RNF150: variants seen among roughly 807,000 people sequenced by gnomAD.
The protein encoded by RNF150 is ring finger protein 150.
RNF150 carries 24 observed loss-of-function variants against 39.3 expected under a neutral mutation model. The ratio of observed to expected loss-of-function variants is 0.61; its 90% CI spans 0.44 to 0.86. RNF150 has a LOEUF of 0.86. Among genes scored for constraint, RNF150 ranks in the 40% least tolerant of loss-of-function variants. The pLI is 0.00. For synonymous variants in RNF150, 255 were observed against 227.3 expected (o/e 1.12, Z -1.10); for missense variants, 502 against 587.8 (o/e 0.85, Z 1.51).
At chr4:141,205,731 G>A (rs1312574558) in intron 1 of RNF150, among the ~76,000 whole-genome samples, 2 of 152,152 alleles carry the variant, frequency 1.3e-5, no homozygotes, top group Non-Finnish European at 2.9e-5. Context: ...TAATCTCTTA[G>A]TTTCTAGCTT....
intron 5 of RNF150, among the ~76,000 whole-genome samples, chr4:140,924,656 G>C (rs1299264774): frequency 6.6e-6 from 1 of 152,154 alleles, no homozygotes; most frequent in Non-Finnish European, 1.5e-5. Flanking sequence ...ACTGAGCTCA[G>C]CTTTCTAAGT....
intron 1 of RNF150, among the ~76,000 whole-genome samples, chr4:141,155,880 A>G (rs1727386447): frequency 6.6e-6 from 1 of 152,040 alleles, no homozygotes; most frequent in African/African-American, 2.4e-5. Flanking sequence ...TAGCAGAGCA[A>G]GTCTTTCAAA....
intron 6 of RNF150, among the ~76,000 whole-genome samples, chr4:140,902,553 C>T (rs1191755245): frequency 6.6e-6 from 1 of 152,032 alleles, no homozygotes; most frequent in East Asian, 1.9e-4. Flanking sequence ...GTCAATAGAA[C>T]TTTTTGGTTT....
At chr4:140,896,479 T>A (rs1429466064) in intron 6 of RNF150, among the ~76,000 whole-genome samples, 1 of 60,520 alleles carries the variant, frequency 1.7e-5, no homozygotes, top group Middle Eastern at 5.2e-3. Flanking sequence ...TAGGTGGGAA[T>A]TGAACAATGA....
chr4:141,155,185 A>G (rs1727363740), intron 1 of RNF150, among the ~76,000 whole-genome samples: 1 of 152,156 alleles, frequency 6.6e-6, no homozygotes, highest in South Asian at 2.1e-4. Flanking sequence ...TTCTGGGTTC[A>G]AACAATTCTC....
At chr4:140,950,239 A>G (rs1457637459) in intron 2 of RNF150, among the ~76,000 whole-genome samples, 1 of 152,240 alleles carries the variant, frequency 6.6e-6, no homozygotes. Flanking sequence ...GTAAAACAGA[A>G]GGACTAAGAT....
intron 5 of RNF150, among the ~76,000 whole-genome samples, chr4:140,915,771 A>C (rs1165457921): frequency 6.6e-6 from 1 of 152,220 alleles, no homozygotes; most frequent in Non-Finnish European, 1.5e-5. Context: ...CTGACCCCCG[A>C]GTAGCCTAAA....
chr4:140,945,607 T>TATAC (rs1732272568), intron 4 of RNF150, among the ~76,000 whole-genome samples: 1 of 37,370 alleles, frequency 2.7e-5, no homozygotes, highest in Non-Finnish European at 9.8e-5. Flanking sequence ...TATATACATA[T>TATAC]ATATACTACA....
intron 1 of RNF150, among the ~76,000 whole-genome samples, chr4:141,196,573 G>C (rs567689687): frequency 6.6e-6 from 1 of 152,294 alleles, no homozygotes; most frequent in Admixed American, 6.5e-5. Context: ...TGTTTCTCAA[G>C]TCAGGAAGGC....
chr4:141,132,198 A>T lies in RNF150; in HGVS notation c.484+127T>A. 1 of 971,454 alleles carries T rather than the reference A, an allele frequency of 1.0e-6. No individual in the cohort carries two copies. Among genetic ancestry groups the T allele is most frequent in the Non-Finnish European group, 1.5e-6 (1 of 652,984 alleles). 60.2% of individuals were successfully genotyped at this position (971,454 alleles called of 1,614,324 possible). A position where few individuals can be genotyped will look rare whatever the true frequency, so the allele number is the denominator to read the frequency against. ...ACGCGGAGCAAAACTTAATCGGTCC[A>T]GGGAACCCAGACACGTCTTCCGCGC... On this transcript the variant is annotated intron_variant, in intron 1 of 6. Transcript: ENST00000515673. The surrounding 1 kb of genome is among the most constrained non-coding windows in gnomAD (Gnocchi z 4.9).
At position 140,867,892 on chromosome 4, in the gene RNF150, A is replaced by C. The variant is rs1298529402; in HGVS notation, c.*369T>G. 5.6e-6 allele frequency: 1 copy of C among 178,130 alleles called. No individual in the cohort carries two copies. The highest frequency in any genetic ancestry group is 1.2e-5 in the Non-Finnish European group (1 of 85,762). 11.0% of individuals were successfully genotyped at this position (178,130 alleles called of 1,614,324 possible). On this transcript the variant is annotated 3_prime_UTR_variant, in exon 7 of 7. Transcript: ENST00000515673. The stretch of plus-strand genomic sequence containing the variant: ...TAATCTTTAAAAAAATTGCCAAAGA[A>C]ATCAAACAACATGCCAAAAACAAGA...
intron 1 of RNF150, among the ~76,000 whole-genome samples, chr4:141,047,669 A>G (rs571065388): frequency 1.6e-4 from 24 of 152,252 alleles, no homozygotes; most frequent in African/African-American, 5.1e-4. Context: ...TATGTTCCCA[A>G]ATCACATGCA....
At chr4:141,042,690 T>C (rs1444241965) in intron 1 of RNF150, among the ~76,000 whole-genome samples, 1 of 152,148 alleles carries the variant, frequency 6.6e-6, no homozygotes, top group Non-Finnish European at 1.5e-5. Context: ...TCAATTTCTA[T>C]TGAAGGGGTA....
At chr4:141,046,699 A>G (rs1736588644) in intron 1 of RNF150, among the ~76,000 whole-genome samples, 1 of 152,214 alleles carries the variant, frequency 6.6e-6, no homozygotes, top group African/African-American at 2.4e-5. Flanking sequence ...AAGGCAATTC[A>G]TCATGCTCGA....
chr4:140,949,313 C>G lies in RNF150; in HGVS notation c.795G>C (p.Lys265Asn). The stretch of plus-strand genomic sequence containing the variant: ...AGGCTGCTATTACCTTGTCACCCTT[C>G]TTGATGGTCCTGATCTGGAGTTTGC... ...AISKLQIRTI[K>N]KGDKETESDF... Residue 265 changes from lysine to asparagine, a missense_variant, in exon 3 of 7, where the codon AAG becomes AAC. By Grantham distance (94) the Lys-to-Asn change is moderately conservative. Transcript: ENST00000515673. 1 of 1,611,910 alleles carries G rather than the reference C, an allele frequency of 6.2e-7. No homozygotes were observed. Among genetic ancestry groups the G allele is most frequent in the South Asian group, 1.1e-5 (1 of 90,462 alleles).
chr4:141,004,832 T>C (rs902689546), intron 1 of RNF150, among the ~76,000 whole-genome samples: 5 of 152,232 alleles, frequency 3.3e-5, no homozygotes, highest in African/African-American at 1.2e-4. Flanking sequence ...AGTTAACAAA[T>C]ATCTACTCTG....
intron 1 of RNF150, among the ~76,000 whole-genome samples, chr4:141,068,302 G>C (rs1339383090): frequency 6.6e-6 from 1 of 152,150 alleles, no homozygotes; most frequent in Non-Finnish European, 1.5e-5. Flanking sequence ...TATATAGCAA[G>C]TTTTAGCACT....
chr4:140,876,262 G>C (rs1729152353), intron 6 of RNF150, among the ~76,000 whole-genome samples: 1 of 152,178 alleles, frequency 6.6e-6, no homozygotes, highest in Non-Finnish European at 1.5e-5. Context: ...CAACCACATT[G>C]GTTGAATTAT....
intron 1 of RNF150, among the ~76,000 whole-genome samples, chr4:141,001,524 A>G (rs115294047): frequency 0.075 from 11,386 of 152,148 alleles, 475 homozygotes; most frequent in Middle Eastern, 0.16. Flanking sequence ...GGTCTTTGGG[A>G]TCTTCTTTTT....
Sources: allele counts gnomAD v4.1 joint callset (sites outside exome capture counted in the v4.1 genomes callset), GRCh38; gene constraint gnomAD v4.1.1; non-coding constraint Gnocchi (gnomAD v3.1); transcripts MANE v1.5; gene names NCBI Gene and HGNC (gene_info 2026-07-23, HGNC 2026-07-21).